The following SPDYA variants were observed in gnomAD, a reference collection of about 807,000 sequenced individuals.
The protein encoded by SPDYA is speedy protein A.
A neutral mutation model predicts 36.7 loss-of-function variants in SPDYA; 11 were observed. That is an observed-to-expected ratio of 0.30 (90% CI 0.19 to 0.50). SPDYA has a LOEUF of 0.50. Among genes scored for constraint, SPDYA ranks in the 20% least tolerant of loss-of-function variants. SPDYA has a pLI of 0.98. For missense variants in SPDYA, 287 were observed against 370.9 expected (o/e 0.77, Z 1.86); for synonymous variants, 115 against 118.7 (o/e 0.97, Z 0.20).
chr2:28,843,457 G>C (rs531742532), intron 7 of SPDYA, among the ~76,000 whole-genome samples: 2 of 151,868 alleles, frequency 1.3e-5, no homozygotes, highest in Non-Finnish European at 2.9e-5. Flanking sequence ...GGCTGAGGCA[G>C]GAGAATCGCT....
Position 28,850,061 on chromosome 2 carries a change from T to C in SPDYA, c.*120T>C. ...TATGTTATACATCTTTTAGTTGTTA[T>C]TTTCAAAATTATATGTATAAGTTAT... is the stretch of plus-strand genomic sequence containing the variant. On this transcript the variant is annotated 3_prime_UTR_variant, in exon 8 of 8. Transcript: ENST00000334056. The C allele has an allele frequency of 8.6e-7, 1 of 1,160,738 alleles. No homozygotes were observed. Among genetic ancestry groups the C allele is most frequent in the Non-Finnish European group, 1.2e-6 (1 of 805,364 alleles). 71.9% of individuals were successfully genotyped at this position (1,160,738 alleles called of 1,614,324 possible).
intron 4 of SPDYA, among the ~76,000 whole-genome samples, chr2:28,819,837 AAAAAAAAAAAAAATATATATATATAT>A (rs1668090931): frequency 8.0e-5 from 4 of 49,934 alleles, no homozygotes; most frequent in African/African-American, 3.3e-4. Context: ...AAAAAAAAAA[AAAAAAAAAAAAAATATATATATATAT>A]ATATATATAT....
rs1309339561 is a variant in SPDYA at position 28,819,193 on chromosome 2, T to C, written c.294+87T>C. Reference sequence around the variant, plus strand: ...TTAATGAGACCTTATAAGAATTTTCTATCTTATTAGTTATGATTAAGAAAA... The same window carrying C: ...TTAATGAGACCTTATAAGAATTTTCCATCTTATTAGTTATGATTAAGAAAA... On this transcript the variant is annotated intron_variant, in intron 4 of 7. Transcript: ENST00000334056. 7.8e-6 allele frequency: 8 copies of C among 1,022,936 alleles called. No individual in the cohort carries two copies. The East Asian group carries it at 1.8e-4, about 23-fold the overall frequency. The allele number at this position is 1,022,936 out of a possible 1,614,324, so 63.4% of individuals were successfully genotyped here.
chr2:28,814,050 C>T (rs1572485765), intron 1 of SPDYA, among the ~76,000 whole-genome samples: 1 of 152,122 alleles, frequency 6.6e-6, no homozygotes, highest in East Asian at 1.9e-4. Flanking sequence ...TTTGGCAGGA[C>T]TTTAGGATCT....
At chr2:28,815,283 AACACACACACAC>A (rs55773017) in intron 2 of SPDYA, among the ~76,000 whole-genome samples, 27 of 136,924 alleles carry the variant, frequency 2.0e-4, no homozygotes, top group Admixed American at 3.0e-4. Flanking sequence ...CCCTGTCTGA[AACACACACACAC>A]ACACACACAC....
intron 5 of SPDYA, 84 bp from the exon 6 acceptor site, chr2:28,829,064 A>C: frequency 8.0e-7 from 1 of 1,244,446 alleles, no homozygotes; most frequent in Non-Finnish European, 1.1e-6. Flanking sequence ...GTGTTTATAA[A>C]CCACTTTTAT....
intron 5 of SPDYA, among the ~76,000 whole-genome samples, chr2:28,826,133 A>G (rs886717104): frequency 3.3e-5 from 5 of 150,572 alleles, no homozygotes; most frequent in African/African-American, 7.3e-5. Context: ...TTAAGGATTG[A>G]TGTTTTTCGT....
chr2:28,817,050 A>G (rs1342081252), intron 3 of SPDYA, among the ~76,000 whole-genome samples: 2 of 152,224 alleles, frequency 1.3e-5, no homozygotes, highest in Non-Finnish European at 2.9e-5. Flanking sequence ...TTTAAAGAAA[A>G]GCAAAATGAA....
intron 6 of SPDYA, among the ~76,000 whole-genome samples, chr2:28,831,744 C>T (rs1353488580): frequency 6.6e-6 from 1 of 152,180 alleles, no homozygotes; most frequent in Non-Finnish European, 1.5e-5. Context: ...CTCTCTTTTA[C>T]TGAGAAAAGA....
chr2:28,840,041 T>G, intron 6 of SPDYA, 131 bp from the exon 7 acceptor site: 2 of 832,002 alleles, frequency 2.4e-6, no homozygotes, highest in Non-Finnish European at 1.8e-6. Context: ...AAGTGCTTTG[T>G]TTTTTAAATC....
chr2:28,832,565 A>T (rs1668503534), intron 6 of SPDYA, among the ~76,000 whole-genome samples: 1 of 152,152 alleles, frequency 6.6e-6, no homozygotes, highest in Non-Finnish European at 1.5e-5. Context: ...CCTCAAACTT[A>T]ACGTGCCTAA....
At chr2:28,813,657 T>G (rs531550467) in intron 1 of SPDYA, among the ~76,000 whole-genome samples, 5 of 151,620 alleles carry the variant, frequency 3.3e-5, no homozygotes, top group Non-Finnish European at 5.9e-5. Context: ...GTTCAAGCAA[T>G]TCTCCTGTCT....
intron 6 of SPDYA, among the ~76,000 whole-genome samples, chr2:28,830,055 C>G (rs1572504571): frequency 6.6e-6 from 1 of 150,392 alleles, no homozygotes; most frequent in East Asian, 2.0e-4. Context: ...AGGAGAATCA[C>G]TTAAACCCAG....
At chr2:28,849,108 A>C (rs1356705164) in intron 7 of SPDYA, among the ~76,000 whole-genome samples, 4 of 152,108 alleles carry the variant, frequency 2.6e-5, no homozygotes, top group Non-Finnish European at 5.9e-5. Context: ...ACAGAGACCT[A>C]ATCATTCTAA....
Position 28,816,035 on chromosome 2 carries a change from T to C in SPDYA, c.21T>C (p.Cys7=), listed in dbSNP as rs937809949. 1.2e-6 allele frequency: 2 copies of C among 1,613,300 alleles called. No homozygotes were observed. The highest frequency in any genetic ancestry group is 1.7e-6 in the Non-Finnish European group (2 of 1,179,822). ...CCAAAATGAGGCACAATCAGATGTG[T>C]TGTGAGACACCACCTACTGTCACTG... The part of the protein sequence containing the change: MRHNQM[C]CETPPTVTVY... Residue 7 remains cysteine, a synonymous_variant, in exon 3 of 8, where the codon TGT becomes TGC. Transcript: ENST00000334056.
chr2:28,812,342 A>C (rs929991462), intron 1 of SPDYA, among the ~76,000 whole-genome samples: 1 of 152,048 alleles, frequency 6.6e-6, no homozygotes, highest in Non-Finnish European at 1.5e-5. Flanking sequence ...CATATAGGCA[A>C]ATGAATCCCC....
chr2:28,811,291 C>G lies in SPDYA; in HGVS notation c.-93+344C>G, dbSNP rs1480985690. ...CCGGAGGCTGCTCCCGAAGCTCGGC[C>G]GTCTGCTCGGAGGGAGGGCCCTGGG... On this transcript the variant is annotated intron_variant, in intron 1 of 7. Coordinates refer to ENST00000334056, the MANE Select transcript of SPDYA (RefSeq NM_182756.4). This position sits in a 1 kb window ranked among gnomAD's most constrained non-coding sequence, Gnocchi z 4.2. 2.0e-5 allele frequency: 3 copies of G among 152,264 alleles called. No homozygotes were observed. The highest frequency in any genetic ancestry group is 2.1e-4 in the South Asian group (1 of 4,832). 9.4% of individuals were successfully genotyped at this position (152,264 alleles called of 1,614,324 possible).
intron 1 of SPDYA, among the ~76,000 whole-genome samples, chr2:28,813,612 C>T (rs932972313): frequency 2.0e-5 from 3 of 150,876 alleles, no homozygotes; most frequent in African/African-American, 7.3e-5. Flanking sequence ...AGTGCAGTGG[C>T]ATGATCTCGG....
At chr2:28,840,082 G>A in intron 6 of SPDYA, 90 bp from the exon 7 acceptor site, 1 of 1,209,596 alleles carries the variant, frequency 8.3e-7, no homozygotes, top group East Asian at 2.6e-5. Flanking sequence ...TCACTTTAGA[G>A]ACAGTTGTTC....
Sources: gnomAD v4.1 joint callset for allele counts (sites outside exome capture counted in the v4.1 genomes callset) on GRCh38, gnomAD v4.1.1 for gene constraint, Gnocchi (gnomAD v3.1) non-coding constraint, MANE v1.5 for transcripts, NCBI Gene and HGNC (gene_info 2026-07-23, HGNC 2026-07-21) for gene names.